Variants in AGBL4 observed in about 807,000 individuals in gnomAD.
AGBL4 encodes the protein AGBL carboxypeptidase 4.
AGBL4 carries 58 observed loss-of-function variants against 66.4 expected under a neutral mutation model. The observed-to-expected ratio is 0.87, with a 90% CI of 0.71 to 1.09. AGBL4 has a LOEUF of 1.09. Among genes scored for constraint, AGBL4 ranks in the 50% least tolerant of loss-of-function variants. AGBL4 has a pLI of 0.00. For synonymous variants in AGBL4, 234 were observed against 222.9 expected, an observed-to-expected ratio of 1.05 and a Z score of -0.44; for missense variants, 579 against 631.0, an observed-to-expected ratio of 0.92 and a Z score of 0.88.
At chr1:49,677,774 C>T (rs1226547344) in intron 3 of AGBL4, among the ~76,000 whole-genome samples, 9 of 152,024 alleles carry the variant, frequency 5.9e-5, no homozygotes, top group Admixed American at 5.9e-4. Flanking sequence ...AGGTGGGGTC[C>T]TCATGTTGGG....
At chr1:48,652,016 G>C (rs1384643237) in intron 8 of AGBL4, among the ~76,000 whole-genome samples, 1 of 152,188 alleles carries the variant, frequency 6.6e-6, no homozygotes, top group Non-Finnish European at 1.5e-5. Context: ...GTACAGTGGA[G>C]GACATGCAAT....
At chr1:48,558,728 A>T (rs1294340863) in intron 11 of AGBL4, among the ~76,000 whole-genome samples, 1 of 152,222 alleles carries the variant, frequency 6.6e-6, no homozygotes, top group African/African-American at 2.4e-5. Flanking sequence ...AGAGCTTCAG[A>T]CCAAGCCTTG....
intron 2 of AGBL4, among the ~76,000 whole-genome samples, chr1:49,821,871 T>C (rs1645378339): frequency 6.6e-6 from 1 of 152,172 alleles, no homozygotes; most frequent in Admixed American, 6.5e-5. Context: ...AATACATAAA[T>C]GTGGGTCAAC....
At chr1:49,288,926 C>T (rs78557871) in intron 3 of AGBL4, among the ~76,000 whole-genome samples, 10,587 of 151,772 alleles carry the variant, frequency 0.07, 495 homozygotes, top group Middle Eastern at 0.11. Flanking sequence ...TACATAAAAG[C>T]CTCCACATTT....
chr1:48,676,279 G>T (rs139980524), intron 6 of AGBL4, among the ~76,000 whole-genome samples: 2 of 152,250 alleles, frequency 1.3e-5, no homozygotes, highest in Admixed American at 1.3e-4. Flanking sequence ...AGGCTTGAGT[G>T]GGGGGTCTGA....
the AGBL4 span, among the ~76,000 whole-genome samples, chr1:48,524,817 T>G: frequency 6.6e-6 from 1 of 152,070 alleles, no homozygotes; most frequent in Non-Finnish European, 1.5e-5. Context: ...TTTATCTCTT[T>G]TACCTGTCGT....
chr1:49,040,386 A>G (rs1238475778), intron 5 of AGBL4, among the ~76,000 whole-genome samples: 1 of 152,096 alleles, frequency 6.6e-6, no homozygotes, highest in African/African-American at 2.4e-5. Flanking sequence ...AAATGACACT[A>G]CTATTTGGAA....
intron 3 of AGBL4, among the ~76,000 whole-genome samples, chr1:49,428,301 C>A (rs983993651): frequency 4.6e-5 from 7 of 152,046 alleles, no homozygotes; most frequent in African/African-American, 1.7e-4. Flanking sequence ...TCATAGTGGG[C>A]AAAAGGGGAA....
chr1:48,910,234 G>T (rs1652969800), intron 5 of AGBL4, among the ~76,000 whole-genome samples: 1 of 152,324 alleles, frequency 6.6e-6, no homozygotes, highest in African/African-American at 2.4e-5. Flanking sequence ...AGGTAAGTAG[G>T]TGCTCAGTGA....
At chr1:49,736,142 A>G (rs1373294449) in intron 2 of AGBL4, among the ~76,000 whole-genome samples, 1 of 152,146 alleles carries the variant, frequency 6.6e-6, no homozygotes, top group Non-Finnish European at 1.5e-5. Context: ...CTGCCTGAAA[A>G]CTTCCCAAAT....
intron 3 of AGBL4, among the ~76,000 whole-genome samples, chr1:49,308,100 C>T (rs1644879675): frequency 6.6e-6 from 1 of 152,116 alleles, no homozygotes; most frequent in Admixed American, 6.6e-5. Flanking sequence ...CCTGCTTTGC[C>T]TTCTGCCACA....
chr1:49,656,391 G>A (rs1252088714), intron 3 of AGBL4, among the ~76,000 whole-genome samples: 2 of 152,048 alleles, frequency 1.3e-5, no homozygotes, highest in Non-Finnish European at 2.9e-5. Context: ...AAAACTCCAG[G>A]ACCAGACAGA....
At chr1:49,146,679 C>T (rs1228925371) in intron 4 of AGBL4, among the ~76,000 whole-genome samples, 9 of 152,208 alleles carry the variant, frequency 5.9e-5, no homozygotes, top group African/African-American at 1.9e-4. Flanking sequence ...CATACATGCA[C>T]CATTGTCCTG....
chr1:49,623,845 A>C (rs1182305984), intron 3 of AGBL4, among the ~76,000 whole-genome samples: 2 of 152,236 alleles, frequency 1.3e-5, no homozygotes, highest in Non-Finnish European at 2.9e-5. Flanking sequence ...TGGTTAAAAG[A>C]AAGAGCTTTG....
At chr1:49,760,496 G>T (rs1174222085) in intron 2 of AGBL4, among the ~76,000 whole-genome samples, 1 of 152,122 alleles carries the variant, frequency 6.6e-6, no homozygotes, top group Admixed American at 6.6e-5. Flanking sequence ...AGTCATAATG[G>T]CAATTATTAA....
At chr1:48,669,911 C>A (rs971568981) in intron 6 of AGBL4, among the ~76,000 whole-genome samples, 2 of 152,200 alleles carry the variant, frequency 1.3e-5, no homozygotes, top group African/African-American at 4.8e-5. Context: ...TCCACACCCC[C>A]ATTCCCTCCC....
chr1:48,966,304 A>G (rs1026479440), intron 5 of AGBL4, among the ~76,000 whole-genome samples: 1 of 152,156 alleles, frequency 6.6e-6, no homozygotes, highest in Non-Finnish European at 1.5e-5. Flanking sequence ...ATTGTTTTAA[A>G]TAAAAGTCTT....
In AGBL4 at chr1:49,197,273, G is replaced by A. The variant is rs572830752; in HGVS notation, c.377+48497C>T. ...GTTTTATGAGTGTTGTATCATGCTC[G>A]TGGTTTACCATGAGCAGGCTCATGA... On this transcript the variant is annotated intron_variant, in intron 4 of 13. Transcript: ENST00000371839. 4.6e-5 allele frequency among the ~76,000 whole-genome samples: 7 copies of A among 152,282 alleles called. No homozygotes were observed. In the South Asian group the frequency reaches 1.2e-3, roughly 27 times the overall value.
chr1:48,699,273 G>C (rs1646763621), intron 6 of AGBL4, among the ~76,000 whole-genome samples: 1 of 152,208 alleles, frequency 6.6e-6, no homozygotes, highest in Admixed American at 6.5e-5. Context: ...TTTAGCCCCT[G>C]AGTTTTGTTC....
Sources: gnomAD v4.1 joint callset for allele counts (sites outside exome capture counted in the v4.1 genomes callset) on GRCh38, gnomAD v4.1.1 for gene constraint, MANE v1.5 for transcripts, NCBI Gene and HGNC (gene_info 2026-07-23, HGNC 2026-07-21) for gene names.